The following PLPPR1 variants were observed in gnomAD, a reference collection of about 807,000 sequenced individuals.
The protein encoded by PLPPR1 is phospholipid phosphatase-related protein type 1.
In PLPPR1, 10 loss-of-function variants were observed where a neutral mutation model predicts 33.1. That is an observed-to-expected ratio of 0.30 (90% CI 0.19 to 0.51). PLPPR1 has a LOEUF of 0.51. Ranked by LOEUF, PLPPR1 falls within the 20% of genes least tolerant of loss-of-function variation. The probability of loss-of-function intolerance (pLI) is 0.97; values close to 1 mark genes in which losing one functional copy is unlikely to be tolerated. For synonymous variants in PLPPR1, 151 were observed against 151.0 expected, an observed-to-expected ratio of 1.00 and a Z score of 0.00; for missense variants, 304 against 408.1, an observed-to-expected ratio of 0.74 and a Z score of 2.20.
chr9:101,201,887 C>G (rs1826500353), intron 2 of PLPPR1, among the ~76,000 whole-genome samples: 1 of 152,194 alleles, frequency 6.6e-6, no homozygotes, highest in Non-Finnish European at 1.5e-5. Context: ...TGATTCCTAG[C>G]TCAAGTGAAA....
intron 1 of PLPPR1, among the ~76,000 whole-genome samples, chr9:101,111,798 T>A (rs1831060760): frequency 6.6e-6 from 1 of 152,174 alleles, no homozygotes; most frequent in South Asian, 2.1e-4. Context: ...TCTCTCTGCT[T>A]GACCCAATTG....
At chr9:101,084,217 C>G (rs1793417301) in intron 1 of PLPPR1, among the ~76,000 whole-genome samples, 1 of 152,108 alleles carries the variant, frequency 6.6e-6, no homozygotes, top group African/African-American at 2.4e-5. Flanking sequence ...CTGCTTGGAC[C>G]CAGTCTCTTT....
chr9:101,109,907 A>T (rs527272933), intron 1 of PLPPR1, among the ~76,000 whole-genome samples: 1 of 152,318 alleles, frequency 6.6e-6, no homozygotes, highest in Admixed American at 6.5e-5. Flanking sequence ...AATTCTTGGC[A>T]TATACAAATG....
At chr9:101,247,812 T>C (rs1431721824) in intron 2 of PLPPR1, among the ~76,000 whole-genome samples, 1 of 152,018 alleles carries the variant, frequency 6.6e-6, no homozygotes, top group Non-Finnish European at 1.5e-5. Flanking sequence ...TGAAATATTG[T>C]AGGAATTAAA....
intron 4 of PLPPR1, among the ~76,000 whole-genome samples, chr9:101,290,302 A>T (rs1171942221): frequency 1.3e-5 from 2 of 152,200 alleles, no homozygotes; most frequent in Non-Finnish European, 2.9e-5. Context: ...TCCACTAGCC[A>T]TTCTAATGAA....
At chr9:101,131,880 A>G (rs1167029387) in intron 1 of PLPPR1, among the ~76,000 whole-genome samples, 1 of 152,120 alleles carries the variant, frequency 6.6e-6, no homozygotes, top group Non-Finnish European at 1.5e-5. Flanking sequence ...CAGTTACTTA[A>G]TCTTTCTCTT....
chr9:101,259,667 CT>C (rs1827861803), intron 2 of PLPPR1, among the ~76,000 whole-genome samples: 1 of 152,068 alleles, frequency 6.6e-6, no homozygotes, highest in Non-Finnish European at 1.5e-5. Flanking sequence ...GACATGTGCC[CT>C]AGGTGGTCAG....
At chr9:101,287,461 T>C (rs1180657866) in intron 4 of PLPPR1, among the ~76,000 whole-genome samples, 1 of 152,184 alleles carries the variant, frequency 6.6e-6, no homozygotes, top group Non-Finnish European at 1.5e-5. Context: ...CTAGACATTT[T>C]ACAGAAATTA....
At chr9:101,075,461 T>C (rs12685053) in intron 1 of PLPPR1, among the ~76,000 whole-genome samples, 5,940 of 152,248 alleles carry the variant, frequency 0.039, 175 homozygotes, top group East Asian at 0.081. Context: ...TAATTACAAA[T>C]GACATGTGGA....
Position 101,309,459 on chromosome 9 carries a change from A to T in PLPPR1, c.634A>T (p.Thr212Ser). 6.2e-7 allele frequency: 1 copy of T among 1,613,732 alleles called. No individual in the cohort carries two copies. The highest frequency in any genetic ancestry group is 8.5e-7 in the Non-Finnish European group (1 of 1,179,708). The change falls in exon 5 of 8, where the codon ACG becomes TCG. Residue 212 changes from threonine (T) to serine (S), a missense_variant and splice_region_variant. Physicochemically the swap from Thr to Ser is moderately conservative, Grantham distance 58. Coordinates refer to ENST00000374874, the MANE Select transcript of PLPPR1 (RefSeq NM_207299.2). The part of the protein sequence containing the change: ...ALSIYSALYA[T>S]MYITSTIKTK... ...GAGCATTTACTCCGCCTTATATGCC[A>T]CGGTGAGTGTGCAAGTCTTGTCTCT...
chr9:101,204,909 G>T (rs1029137881), intron 2 of PLPPR1, among the ~76,000 whole-genome samples: 3 of 152,084 alleles, frequency 2.0e-5, no homozygotes, highest in African/African-American at 7.2e-5. Context: ...TGGAGAGAAG[G>T]TTTGTGTATA....
intron 7 of PLPPR1, among the ~76,000 whole-genome samples, chr9:101,318,045 T>C (rs1394250988): frequency 1.3e-5 from 2 of 152,124 alleles, no homozygotes; most frequent in African/African-American, 4.8e-5. Flanking sequence ...AACTCATAGA[T>C]AAGGAGCAGG....
chr9:101,115,499 G>T (rs1831107808), intron 1 of PLPPR1, among the ~76,000 whole-genome samples: 2 of 152,224 alleles, frequency 1.3e-5, no homozygotes, highest in South Asian at 4.1e-4. Context: ...TGCCAGTTGA[G>T]ATTGAAAGAT....
chr9:101,186,484 T>A (rs572407806), intron 2 of PLPPR1, among the ~76,000 whole-genome samples: 56 of 151,940 alleles, frequency 3.7e-4, no homozygotes, highest in African/African-American at 1.3e-3. Context: ...TTAGGCTGAC[T>A]GTGGGAGAAA....
In PLPPR1 at chr9:101,108,321, A is replaced by T. The variant is rs367873376; in HGVS notation, c.-45-77129A>T. On this transcript the variant is annotated intron_variant, in intron 1 of 7. Transcript: ENST00000374874. ...GTCTATGGACCAGGAGTTGTCAGAT[A>T]GTAAGCATCTTGCAAGGCTTATTCT... Among the ~76,000 whole-genome samples the T allele has an allele frequency of 2.6e-5, 4 of 152,282 alleles. No homozygotes were observed. In the South Asian group the frequency reaches 8.3e-4, roughly 32 times the overall value.
In PLPPR1 at chr9:101,118,888, GT is replaced by G. The variant is rs71356334; in HGVS notation, c.-45-66553del. Among the ~76,000 whole-genome samples, 244 of 150,310 alleles carry G rather than the reference GT, an allele frequency of 1.6e-3. 11 individuals are homozygous for G. The highest frequency in any genetic ancestry group is 0.014 in the Admixed American group (210 of 15,162). On this transcript the variant is annotated intron_variant, in intron 1 of 7. Transcript: ENST00000374874. ...CCTATGTCTTTGACTTTGATGCCATGTTTTTTTTTGTTTTGCTTGTTTGTTT... is the reference window on the plus strand; with the variant it reads ...CCTATGTCTTTGACTTTGATGCCATGTTTTTTTTGTTTTGCTTGTTTGTTT...
In PLPPR1 at chr9:101,080,944, AG is replaced by A. The variant is rs1261197624; in HGVS notation, c.-46+51843del. Among the ~76,000 whole-genome samples, 3 of 152,160 alleles carry A rather than the reference AG, an allele frequency of 2.0e-5. No individual in the cohort carries two copies. The South Asian group carries it at 6.2e-4, about 31-fold the overall frequency. On this transcript the variant is annotated intron_variant, in intron 1 of 7. Coordinates refer to ENST00000374874, the MANE Select transcript of PLPPR1 (RefSeq NM_207299.2). ...TAGCCGTATCATCTTTCTCCCTTTC[AG>A]AAGTATCTGGTGCCATTGATTCCGG...
At chr9:101,239,632 C>T (rs1827409561) in intron 2 of PLPPR1, among the ~76,000 whole-genome samples, 2 of 151,850 alleles carry the variant, frequency 1.3e-5, no homozygotes, top group Non-Finnish European at 2.9e-5. Flanking sequence ...AATAATTCAT[C>T]GTGGTTATGA....
intron 1 of PLPPR1, among the ~76,000 whole-genome samples, chr9:101,029,803 C>T (rs1368668377): frequency 6.6e-6 from 1 of 152,174 alleles, no homozygotes; most frequent in Non-Finnish European, 1.5e-5. Flanking sequence ...CTCTCCTCCT[C>T]AGGGAAGGTG....
Sources: gnomAD v4.1 joint callset for allele counts (sites outside exome capture counted in the v4.1 genomes callset) on GRCh38, gnomAD v4.1.1 for gene constraint, MANE v1.5 for transcripts, NCBI Gene and HGNC (gene_info 2026-07-23, HGNC 2026-07-21) for gene names.